BTBD8: variants seen among roughly 807,000 people sequenced by gnomAD.
BTBD8 encodes BTB domain containing 8.
Under a neutral mutation model 162.9 loss-of-function variants are expected in BTBD8, and 110 were observed. The ratio of observed to expected loss-of-function variants is 0.68; its 90% CI spans 0.58 to 0.79. The LOEUF is 0.79. Among genes scored for constraint, BTBD8 ranks in the 30% least tolerant of loss-of-function variants. The probability of loss-of-function intolerance (pLI) is 0.00; values close to 1 mark genes in which losing one functional copy is unlikely to be tolerated. For missense variants in BTBD8, 1,905 were observed against 2,085.4 expected (o/e 0.91, Z 1.68); for synonymous variants, 667 against 716.1 (o/e 0.93, Z 1.10).
chr1:92,091,469 G>GTGTGTGTGTGTGTGTGTATGTC (rs1648298216), intron 2 of BTBD8, among the ~76,000 whole-genome samples: 1 of 152,080 alleles, frequency 6.6e-6, no homozygotes, highest in African/African-American at 2.4e-5. Context: ...GTGTGTATGT[G>GTGTGTGTGTGTGTGTGTATGTC]TATGTGTGTG....
intron 4 of BTBD8, among the ~76,000 whole-genome samples, chr1:92,113,750 C>T (rs772028527): frequency 6.6e-5 from 10 of 151,302 alleles, no homozygotes; most frequent in Non-Finnish European, 1.2e-4. Flanking sequence ...CGGTGGCTCA[C>T]GCCTGTAATC....
intron 1 of BTBD8, among the ~76,000 whole-genome samples, chr1:92,081,393 T>G (rs1333246556): frequency 2.0e-5 from 3 of 152,214 alleles, no homozygotes; most frequent in Non-Finnish European, 2.9e-5. Context: ...AATTGAAGCT[T>G]AGAAATATGA....
At chr1:92,089,286 T>A (rs1291508885) in intron 2 of BTBD8, among the ~76,000 whole-genome samples, 2 of 152,112 alleles carry the variant, frequency 1.3e-5, no homozygotes, top group Non-Finnish European at 2.9e-5. Flanking sequence ...TGCTGTGCAT[T>A]TTAGGATGTT....
chr1:92,082,037 A>G (rs1178331090), intron 1 of BTBD8, among the ~76,000 whole-genome samples: 1 of 152,216 alleles, frequency 6.6e-6, no homozygotes, highest in Non-Finnish European at 1.5e-5. Flanking sequence ...GATGAAAAAG[A>G]TGGAAAAAAT....
chr1:92,155,980 G>A (rs1227960784), intron 9 of BTBD8, among the ~76,000 whole-genome samples: 1 of 152,136 alleles, frequency 6.6e-6, no homozygotes, highest in Non-Finnish European at 1.5e-5. Context: ...GAATGGAAGT[G>A]GAGAGAATGA....
At chr1:92,164,972 T>C (rs1362580886) in intron 9 of BTBD8, among the ~76,000 whole-genome samples, 1 of 151,766 alleles carries the variant, frequency 6.6e-6, no homozygotes, top group Non-Finnish European at 1.5e-5. Context: ...TTAAAAAAAA[T>C]TAGCTGGGTG....
At chr1:92,148,459 A>G (rs1010816986) in intron 9 of BTBD8, among the ~76,000 whole-genome samples, 1 of 152,204 alleles carries the variant, frequency 6.6e-6, no homozygotes, top group African/African-American at 2.4e-5. Flanking sequence ...GCTTGATAGT[A>G]TTGAGGAAAG....
chr1:92,158,993 G>A (rs970729599), intron 9 of BTBD8, among the ~76,000 whole-genome samples: 1 of 152,086 alleles, frequency 6.6e-6, no homozygotes, highest in Non-Finnish European at 1.5e-5. Flanking sequence ...CTGGGCTCAA[G>A]CGATCTACCT....
chr1:92,140,869 T>C (rs1025272047), intron 6 of BTBD8, among the ~76,000 whole-genome samples: 1 of 152,268 alleles, frequency 6.6e-6, no homozygotes, highest in African/African-American at 2.4e-5. Flanking sequence ...TGAAGGGAAT[T>C]TGAGACATCT....
chr1:92,094,004 C>A (rs1412713283), intron 2 of BTBD8, among the ~76,000 whole-genome samples: 1 of 152,178 alleles, frequency 6.6e-6, no homozygotes, highest in Non-Finnish European at 1.5e-5. Flanking sequence ...GAATTAGACC[C>A]AGTATGGGAG....
chr1:92,161,308 A>G (rs773414970), intron 9 of BTBD8, among the ~76,000 whole-genome samples: 1 of 152,192 alleles, frequency 6.6e-6, no homozygotes, highest in Non-Finnish European at 1.5e-5. Context: ...GTTCAACCAC[A>G]TGTGCCATGG....
At chr1:92,155,815 T>G (rs572637138) in intron 9 of BTBD8, among the ~76,000 whole-genome samples, 1 of 152,354 alleles carries the variant, frequency 6.6e-6, no homozygotes, top group Admixed American at 6.5e-5. Flanking sequence ...TGAATTTGTT[T>G]TAACAGTTTT....
intron 9 of BTBD8, among the ~76,000 whole-genome samples, chr1:92,148,037 A>G (rs899090767): frequency 3.3e-5 from 5 of 152,202 alleles, no homozygotes; most frequent in Non-Finnish European, 7.3e-5. Context: ...CAAAGCAGAC[A>G]TGGTGCCACA....
At chr1:92,118,262 G>C (rs1484576379) in intron 4 of BTBD8, among the ~76,000 whole-genome samples, 3 of 145,760 alleles carry the variant, frequency 2.1e-5, no homozygotes, top group South Asian at 4.3e-4. Flanking sequence ...CCTCTTGGCT[G>C]TAACAGTTTT....
chr1:92,178,688 T>C (rs1255960584), intron 16 of BTBD8, among the ~76,000 whole-genome samples: 1 of 152,218 alleles, frequency 6.6e-6, no homozygotes, highest in Non-Finnish European at 1.5e-5. Context: ...GGTCTTGCTC[T>C]GTCACCCAGG....
chr1:92,085,048 C>T (rs373903666), intron 1 of BTBD8, among the ~76,000 whole-genome samples: 3 of 152,202 alleles, frequency 2.0e-5, no homozygotes, highest in African/African-American at 7.2e-5. Flanking sequence ...CCTCTTTTGT[C>T]TGTCCCTGAA....
intron 4 of BTBD8, among the ~76,000 whole-genome samples, chr1:92,119,448 G>A (rs1242746547): frequency 3.4e-5 from 5 of 149,164 alleles, no homozygotes; most frequent in Non-Finnish European, 5.9e-5. Flanking sequence ...ACCACACCCA[G>A]CTAATTTTTG....
At chr1:92,122,651 G>A (rs910404841) in intron 4 of BTBD8, among the ~76,000 whole-genome samples, 7 of 151,994 alleles carry the variant, frequency 4.6e-5, no homozygotes, top group Admixed American at 1.3e-4. Context: ...ACAAGCCTGC[G>A]CCCCTCAGGT....
rs927193859 is a variant in BTBD8 at position 92,184,189 on chromosome 1, A to C, written c.5238A>C (p.Thr1746=). 8.1e-5 allele frequency: 126 copies of C among 1,551,496 alleles called. No homozygotes were observed. The highest frequency in any genetic ancestry group is 4.6e-5 in the Non-Finnish European group (53 of 1,146,880). Reference sequence around the variant, plus strand: ...ATAGCTCAAAACCTCAGGGTATAACACATATTGACACTTTGAACAGATGGA... The same window carrying C: ...ATAGCTCAAAACCTCAGGGTATAACCCATATTGACACTTTGAACAGATGGA... ...ARDSSKPQGI[T]HIDTLNRWSE... The change falls in exon 18 of 18, where the codon ACA becomes ACC. Residue 1746 remains threonine (T), a synonymous_variant. Transcript: ENST00000636805.
Sources: gnomAD v4.1 joint callset for allele counts (sites outside exome capture counted in the v4.1 genomes callset) on GRCh38, gnomAD v4.1.1 for gene constraint, MANE v1.5 for transcripts, NCBI Gene and HGNC (gene_info 2026-07-23, HGNC 2026-07-21) for gene names.